The following ZNF69 variants were observed in gnomAD, a reference collection of about 807,000 sequenced individuals.
ZNF69 encodes ZNF3.
Under a neutral mutation model 50.9 loss-of-function variants are expected in ZNF69, and 47 were observed. That is an observed-to-expected ratio of 0.92 (90% CI 0.73 to 1.18). The LOEUF is 1.18. Ranked by LOEUF, ZNF69 falls within the 50% of genes most tolerant of loss-of-function variation. The pLI is 0.00. For synonymous variants in ZNF69, 216 were observed against 223.1 expected, an observed-to-expected ratio of 0.97 and a Z score of 0.29; for missense variants, 717 against 675.1, an observed-to-expected ratio of 1.06 and a Z score of -0.69.
chr19:11,894,777 T>A (rs1977183354), intron 1 of ZNF69, among the ~76,000 whole-genome samples: 1 of 152,040 alleles, frequency 6.6e-6, no homozygotes, highest in Non-Finnish European at 1.5e-5. Flanking sequence ...CCAGTTTTCG[T>A]AAGTTGGAGA....
chr19:11,899,715 T>C (rs548086529), intron 1 of ZNF69, among the ~76,000 whole-genome samples: 26 of 152,158 alleles, frequency 1.7e-4, no homozygotes, highest in Admixed American at 1.7e-3. Flanking sequence ...GTGGGAGGAC[T>C]TTTGTGTGGA....
At chr19:11,961,600 G>A in the ZNF69 span, 1 of 148,410 alleles carries the variant, frequency 6.7e-6, no homozygotes, top group Non-Finnish European at 1.5e-5. Context: ...CTAACAGCTA[G>A]GGACAAAAAG....
chr19:11,952,737 A>G, the ZNF69 span, among the ~76,000 whole-genome samples: 1 of 152,164 alleles, frequency 6.6e-6, no homozygotes. Flanking sequence ...TTGTCAGATC[A>G]CACAAAGTGA....
chr19:11,914,042 A>T (rs1972496752), exon 5 of ZNF69: 1 of 152,204 alleles, frequency 6.6e-6, no homozygotes, highest in African/African-American at 2.4e-5. Flanking sequence ...ACAGTAAAAG[A>T]CTTGGCATTG....
chr19:11,949,479 T>G, the ZNF69 span: 1 of 1,612,662 alleles, frequency 6.2e-7, no homozygotes, highest in Non-Finnish European at 8.5e-7. Context: ...CCTTCAGATA[T>G]GTGAAGCACC....
the ZNF69 span, chr19:11,976,839 T>C: frequency 3.8e-4 from 537 of 1,407,584 alleles, 3 homozygotes; most frequent in African/African-American, 7.0e-3. Context: ...GGGCAACAAG[T>C]TGTTGTTTTG....
At chr19:11,915,225 T>C (rs139700564), downstream of ZNF69, among the ~76,000 whole-genome samples, 1 of 151,800 alleles carries the variant, frequency 6.6e-6, no homozygotes, top group Admixed American at 6.6e-5. Flanking sequence ...AAAGAAAGAG[T>C]TGGATGCACC....
chr19:11,917,895 G>A (rs1366093064), downstream of ZNF69, among the ~76,000 whole-genome samples: 1 of 149,464 alleles, frequency 6.7e-6, no homozygotes, highest in Non-Finnish European at 1.5e-5. Flanking sequence ...TCAAGCAACT[G>A]TCCTACCTCA....
chr19:11,979,542 A>G, the ZNF69 span: 7 of 1,603,606 alleles, frequency 4.4e-6, no homozygotes, highest in Middle Eastern at 1.7e-4. Flanking sequence ...GAGAAACCCT[A>G]TGAATGCAAG....
At chr19:11,974,053 TTTC>T in the ZNF69 span, among the ~76,000 whole-genome samples, 2 of 150,730 alleles carry the variant, frequency 1.3e-5, no homozygotes, top group African/African-American at 5.0e-5. Context: ...TCTTTCTTTC[TTTC>T]TTTCCTTCTT....
At position 11,904,773 on chromosome 19, in the gene ZNF69, T is replaced by C. The variant is rs1474924020; in HGVS notation, c.376T>C (p.Cys126Arg). 1.9e-6 allele frequency: 3 copies of C among 1,613,972 alleles called. No homozygotes were observed. Among genetic ancestry groups the C allele is most frequent in the South Asian group, 2.2e-5 (2 of 91,074 alleles). The change falls in exon 4 of 4, where the codon TGT becomes CGT. Residue 126 changes from cysteine (C) to arginine (R), a missense_variant. Transcript: ENST00000429654. ...GAAAGCTTCTCCTGAAATAAAATCA[T>C]GTGACAGCTTTGTGTGTGGAGAAGT... Reference protein sequence around the residue: ...EKKASPEIKSCDSFVCGEVGL... With the variant: ...EKKASPEIKSRDSFVCGEVGL...
chr19:11,931,649 C>G, the ZNF69 span, among the ~76,000 whole-genome samples: 1 of 148,244 alleles, frequency 6.7e-6, no homozygotes, highest in African/African-American at 2.6e-5. Flanking sequence ...TAAAATATAA[C>G]TGTAGGCATA....
At chr19:11,902,951 C>A (rs367778251) in intron 1 of ZNF69, among the ~76,000 whole-genome samples, 1 of 152,162 alleles carries the variant, frequency 6.6e-6, no homozygotes, top group East Asian at 1.9e-4. Flanking sequence ...GTGGCTTTAG[C>A]CCTTGTTCAG....
At chr19:11,960,032 T>C in the ZNF69 span, among the ~76,000 whole-genome samples, 1 of 150,326 alleles carries the variant, frequency 6.7e-6, no homozygotes, top group Non-Finnish European at 1.5e-5. Flanking sequence ...GTAGTGTTTT[T>C]TTTTTCTTTT....
At chr19:11,949,521 AAG>A in the ZNF69 span, 1 of 1,611,310 alleles carries the variant, frequency 6.2e-7, no homozygotes, top group South Asian at 1.1e-5. Context: ...AAAAACACAT[AAG>A]AATGCCCTCT....
chr19:11,958,357 G>A, the ZNF69 span, among the ~76,000 whole-genome samples: 1 of 152,128 alleles, frequency 6.6e-6, no homozygotes, highest in African/African-American at 2.4e-5. Context: ...GCTGAGTGGG[G>A]CTGTGTTGGG....
chr19:11,924,986 T>A, the ZNF69 span: 3 of 479,870 alleles, frequency 6.3e-6, no homozygotes, highest in East Asian at 1.3e-4. Flanking sequence ...CTGCGGGGCC[T>A]GATACCCAGG....
At chr19:11,965,520 G>A in the ZNF69 span, among the ~76,000 whole-genome samples, 1 of 152,254 alleles carries the variant, frequency 6.6e-6, no homozygotes, top group East Asian at 1.9e-4. Flanking sequence ...GGGTCATGGG[G>A]GAAATCCTGA....
chr19:11,945,383 A>G, the ZNF69 span, among the ~76,000 whole-genome samples: 1 of 152,156 alleles, frequency 6.6e-6, no homozygotes, highest in Non-Finnish European at 1.5e-5. Flanking sequence ...AGCTTGATTG[A>G]CCAAGCACAA....
Sources: gnomAD v4.1 joint callset for allele counts (sites outside exome capture counted in the v4.1 genomes callset) on GRCh38, gnomAD v4.1.1 for gene constraint, MANE v1.5 for transcripts, NCBI Gene and HGNC (gene_info 2026-07-23, HGNC 2026-07-21) for gene names.